The following PDE10A variants were observed in gnomAD, a reference collection of about 807,000 sequenced individuals.
PDE10A encodes the protein phosphodiesterase 10A.
Under a neutral mutation model 97.7 loss-of-function variants are expected in PDE10A, and 39 were observed. The ratio of observed to expected loss-of-function variants is 0.40; its 90% CI spans 0.31 to 0.52. PDE10A has a LOEUF of 0.52. PDE10A is among the 20% of genes least tolerant of loss of function. The pLI is 0.56. For synonymous variants in PDE10A, 371 were observed against 376.8 expected, an observed-to-expected ratio of 0.98 and a Z score of 0.18; for missense variants, 731 against 1,047.8, an observed-to-expected ratio of 0.70 and a Z score of 4.17.
chr6:165,901,222 C>T (rs1372003312), intron 1 of PDE10A, among the ~76,000 whole-genome samples: 1 of 152,222 alleles, frequency 6.6e-6, no homozygotes, highest in Non-Finnish European at 1.5e-5. Context: ...CCAGCAGGAA[C>T]TCTGTGCTCC....
At chr6:165,678,179 C>CT (rs1790865182) in intron 1 of PDE10A, among the ~76,000 whole-genome samples, 1 of 3,136 alleles carries the variant, frequency 3.2e-4, no homozygotes, top group Non-Finnish European at 6.9e-4. Context: ...ATGTGTGTGT[C>CT]CATGTGTGTC....
At chr6:165,435,941 G>C (rs972506206) in intron 5 of PDE10A, among the ~76,000 whole-genome samples, 9 of 152,158 alleles carry the variant, frequency 5.9e-5, no homozygotes, top group Admixed American at 4.6e-4. Context: ...CAAAAATCTT[G>C]AAAAATCTGA....
intron 1 of PDE10A, among the ~76,000 whole-genome samples, chr6:165,729,519 A>T (rs1792375687): frequency 2.0e-5 from 3 of 152,150 alleles, no homozygotes; most frequent in Admixed American, 2.0e-4. Context: ...CAGCAACCCA[A>T]AATTCACCCA....
At chr6:165,429,898 G>T (rs1014447994) in intron 9 of PDE10A, among the ~76,000 whole-genome samples, 2 of 151,978 alleles carry the variant, frequency 1.3e-5, no homozygotes, top group African/African-American at 4.8e-5. Context: ...TAATAATGAT[G>T]CTTAATTTAC....
chr6:165,401,266 A>C (rs1194562240), intron 13 of PDE10A, among the ~76,000 whole-genome samples: 1 of 152,226 alleles, frequency 6.6e-6, no homozygotes, highest in Non-Finnish European at 1.5e-5. Context: ...TCAGCAAAAA[A>C]GTCACGTGAC....
At chr6:165,958,834 A>G (rs1784273389) in intron 1 of PDE10A, among the ~76,000 whole-genome samples, 1 of 152,204 alleles carries the variant, frequency 6.6e-6, no homozygotes. Flanking sequence ...ATCACTTTCA[A>G]TATTCCACAC....
intron 1 of PDE10A, among the ~76,000 whole-genome samples, chr6:165,608,711 A>G (rs1787347017): frequency 1.3e-5 from 2 of 152,192 alleles, no homozygotes; most frequent in South Asian, 4.1e-4. Context: ...TGGTTGAACT[A>G]GTTTAAAGTC....
intron 5 of PDE10A, among the ~76,000 whole-genome samples, chr6:165,445,085 C>A (rs1361125653): frequency 1.3e-5 from 2 of 152,100 alleles, no homozygotes; most frequent in Non-Finnish European, 2.9e-5. Context: ...ACTATGCTGT[C>A]TTTCATGTGC....
At chr6:165,718,861 A>G (rs1366176403) in intron 1 of PDE10A, among the ~76,000 whole-genome samples, 2 of 152,358 alleles carry the variant, frequency 1.3e-5, no homozygotes, top group African/African-American at 4.8e-5. Context: ...TGAGGCTAAA[A>G]TAATAAACAG....
At chr6:165,592,993 T>A (rs552773302) in intron 1 of PDE10A, among the ~76,000 whole-genome samples, 2 of 152,208 alleles carry the variant, frequency 1.3e-5, no homozygotes, top group Admixed American at 1.3e-4. Flanking sequence ...TAAAGACACA[T>A]GCACATGTAT....
intron 1 of PDE10A, among the ~76,000 whole-genome samples, chr6:165,717,862 G>A: frequency 6.6e-6 from 1 of 152,148 alleles, no homozygotes; most frequent in East Asian, 1.9e-4. Context: ...TCCTATTCAT[G>A]TGCTTGCTGG....
intron 1 of PDE10A, among the ~76,000 whole-genome samples, chr6:165,795,976 G>A (rs1048060991): frequency 9.2e-5 from 14 of 152,056 alleles, no homozygotes; most frequent in African/African-American, 3.4e-4. Flanking sequence ...TTTTTAAAAA[G>A]CTTTTCTTTT....
intron 1 of PDE10A, among the ~76,000 whole-genome samples, chr6:165,880,839 A>G (rs530780673): frequency 7.9e-5 from 12 of 152,310 alleles, no homozygotes; most frequent in African/African-American, 2.9e-4. Flanking sequence ...TGGGCTCAGG[A>G]AAACCCAAAG....
intron 1 of PDE10A, among the ~76,000 whole-genome samples, chr6:165,915,710 G>A (rs1244321967): frequency 6.6e-6 from 1 of 152,168 alleles, no homozygotes; most frequent in Non-Finnish European, 1.5e-5. Flanking sequence ...TTTGACCTTG[G>A]TCCAGGGTCC....
In PDE10A at chr6:165,711,725, A is replaced by C. The variant is rs1791900147; in HGVS notation, c.-614-168157T>G. ...GTTCAGCTCAGGCACAAGCCTGTTC[A>C]GAACAACCCAGGAACTGTGCTAATT... On this transcript the variant is annotated intron_variant, in intron 1 of 19. Coordinates refer to the PDE10A transcript ENST00000366882. This position sits in a 1 kb window ranked among gnomAD's most constrained non-coding sequence, Gnocchi z 4.5. Among the ~76,000 whole-genome samples, 2 of 152,380 alleles carry C rather than the reference A, an allele frequency of 1.3e-5. No homozygotes were observed. Among genetic ancestry groups the C allele is most frequent in the South Asian group, 4.1e-4 (2 of 4,832 alleles).
chr6:165,456,150 C>T (rs907765054), intron 3 of PDE10A, among the ~76,000 whole-genome samples: 5 of 152,170 alleles, frequency 3.3e-5, no homozygotes, highest in Admixed American at 6.5e-5. Context: ...ATTCCAACCA[C>T]TAGTTCTGTA....
At chr6:165,600,740 T>A (rs1786897271) in intron 1 of PDE10A, among the ~76,000 whole-genome samples, 1 of 152,184 alleles carries the variant, frequency 6.6e-6, no homozygotes, top group Non-Finnish European at 1.5e-5. Context: ...TATAACGGCC[T>A]TGAGACTGCT....
At chr6:165,934,922 C>A (rs1427265787) in intron 1 of PDE10A, among the ~76,000 whole-genome samples, 1 of 152,180 alleles carries the variant, frequency 6.6e-6, no homozygotes, top group Non-Finnish European at 1.5e-5. Flanking sequence ...ACTATCATTT[C>A]CATTATTAAT....
At chr6:165,856,323 T>G (rs1406309656) in intron 1 of PDE10A, among the ~76,000 whole-genome samples, 1 of 152,192 alleles carries the variant, frequency 6.6e-6, no homozygotes, top group Non-Finnish European at 1.5e-5. Context: ...CACCACCCCC[T>G]GCCTGACTCT....
Sources: allele counts gnomAD v4.1 joint callset (sites outside exome capture counted in the v4.1 genomes callset), GRCh38; gene constraint gnomAD v4.1.1; non-coding constraint Gnocchi (gnomAD v3.1); transcripts MANE v1.5; gene names NCBI Gene and HGNC (gene_info 2026-07-23, HGNC 2026-07-21).